The following SNX25 variants were observed in gnomAD, a reference collection of about 807,000 sequenced individuals.
The protein encoded by SNX25 is sorting nexin 25.
In SNX25, 62 loss-of-function variants were observed where a neutral mutation model predicts 113.7. The observed-to-expected ratio is 0.55, with a 90% CI of 0.44 to 0.67. SNX25 has a LOEUF of 0.67. Among genes scored for constraint, SNX25 ranks in the 30% least tolerant of loss-of-function variants. SNX25 has a pLI of 0.00. For synonymous variants in SNX25, 421 were observed against 436.2 expected (o/e 0.97, Z 0.43); for missense variants, 1,014 against 1,161.0 (o/e 0.87, Z 1.84).
At chr4:185,305,909 A>ATG (rs1295634028) in intron 6 of SNX25, among the ~76,000 whole-genome samples, 1 of 152,176 alleles carries the variant, frequency 6.6e-6, no homozygotes, top group Non-Finnish European at 1.5e-5. Context: ...ACCTAACATC[A>ATG]TGTGTGTGTT....
chr4:185,283,201 A>G (rs1560967253), intron 5 of SNX25, among the ~76,000 whole-genome samples: 1 of 152,226 alleles, frequency 6.6e-6, no homozygotes, highest in African/African-American at 2.4e-5. Flanking sequence ...CCATGTGACT[A>G]TAAGTAGCTA....
At chr4:185,321,751 C>CT (rs2095121896) in intron 8 of SNX25, among the ~76,000 whole-genome samples, 1 of 152,098 alleles carries the variant, frequency 6.6e-6, no homozygotes, top group Non-Finnish European at 1.5e-5. Context: ...TCTGTAGATT[C>CT]AACCAACCAT....
chr4:185,335,303 G>A (rs990442173), intron 10 of SNX25, among the ~76,000 whole-genome samples: 57 of 145,108 alleles, frequency 3.9e-4, no homozygotes, highest in African/African-American at 1.4e-3. Context: ...CTGGGCAATA[G>A]AGTGAAAAAG....
chr4:185,293,876 T>C (rs1752509430), intron 6 of SNX25, among the ~76,000 whole-genome samples: 1 of 152,166 alleles, frequency 6.6e-6, no homozygotes, highest in Non-Finnish European at 1.5e-5. Flanking sequence ...CGATCGTTTA[T>C]AAACAGAAAA....
intron 2 of SNX25, among the ~76,000 whole-genome samples, chr4:185,253,471 TTC>T (rs1745961344): frequency 1.3e-5 from 2 of 151,748 alleles, no homozygotes; most frequent in African/African-American, 4.8e-5. Flanking sequence ...TTTTCTTTTC[TTC>T]TTTTTTTTTT....
intron 1 of SNX25, among the ~76,000 whole-genome samples, chr4:185,220,763 A>C (rs1158839995): frequency 6.6e-6 from 1 of 152,176 alleles, no homozygotes; most frequent in Admixed American, 6.6e-5. Flanking sequence ...TACAGGCGTG[A>C]GCCACTGCGC....
chr4:185,362,375 A>G (rs532623315), intron 17 of SNX25: 4 of 974,404 alleles, frequency 4.1e-6, no homozygotes, highest in Non-Finnish European at 4.9e-6. Context: ...TTAGCAAAAT[A>G]TTAACATTTT....
At chr4:185,376,443 C>CTTTTTT in the SNX25 span, among the ~76,000 whole-genome samples, 24 of 105,822 alleles carry the variant, frequency 2.3e-4, no homozygotes, top group Non-Finnish European at 2.9e-4. Context: ...TGCCCAGCTA[C>CTTTTTT]TTTTTTTTTT....
intron 1 of SNX25, among the ~76,000 whole-genome samples, chr4:185,237,484 C>A (rs1167172906): frequency 6.6e-6 from 1 of 152,092 alleles, no homozygotes; most frequent in African/African-American, 2.4e-5. Context: ...CCCCTCCGTG[C>A]TTTTATTTCT....
upstream of SNX25, among the ~76,000 whole-genome samples, chr4:185,205,229 G>T (rs1196044232): frequency 3.3e-5 from 5 of 152,232 alleles, no homozygotes; most frequent in South Asian, 2.1e-4. Flanking sequence ...GCCGAGGCGG[G>T]TGGGGCCCCC....
At chr4:185,262,505 C>T (rs555341254) in intron 3 of SNX25, among the ~76,000 whole-genome samples, 1 of 152,110 alleles carries the variant, frequency 6.6e-6, no homozygotes, top group East Asian at 1.9e-4. Flanking sequence ...TCTTTTTCAT[C>T]TTTGTAATTT....
intron 13 of SNX25, among the ~76,000 whole-genome samples, chr4:185,350,197 C>G (rs2095308324): frequency 6.6e-6 from 1 of 152,152 alleles, no homozygotes; most frequent in South Asian, 2.1e-4. Context: ...GGTGATTTTT[C>G]TAGGGAGGGT....
downstream of SNX25, chr4:185,372,854 A>C: frequency 6.3e-7 from 1 of 1,595,448 alleles, no homozygotes; most frequent in African/African-American, 1.3e-5. Context: ...AAAGACATTC[A>C]CCTTTTGGAA....
chr4:185,315,302 T>C (rs2095064260), intron 7 of SNX25, among the ~76,000 whole-genome samples: 2 of 150,498 alleles, frequency 1.3e-5, no homozygotes, highest in Admixed American at 6.6e-5. Flanking sequence ...ATTTTTTTTT[T>C]TTTTTTTTTG....
At chr4:185,316,197 G>A (rs2095072954) in intron 7 of SNX25, among the ~76,000 whole-genome samples, 1 of 152,194 alleles carries the variant, frequency 6.6e-6, no homozygotes, top group African/African-American at 2.4e-5. Context: ...GCACTTATCA[G>A]TGCCTTCTCT....
rs765754328 is a variant in SNX25 at position 185,320,853 on chromosome 4, A to C, written c.1465A>C (p.Asn489His). The change falls in exon 8 of 19, where the codon AAT becomes CAT. Residue 489 changes from asparagine to histidine, a missense_variant. Physicochemically the swap from Asn to His is moderately conservative, Grantham distance 68. Transcript: ENST00000652585. ...SFWESVEHLK[N>H]ANKNEIPQLV... Reference sequence around the variant, plus strand: ...TTGGGAATCTGTGGAACATTTAAAGAATGCTAACAAGGTAGTATATGTAGG... The same window carrying C: ...TTGGGAATCTGTGGAACATTTAAAGCATGCTAACAAGGTAGTATATGTAGG... 1 of 1,601,660 alleles carries C rather than the reference A, an allele frequency of 6.2e-7. No individual in the cohort carries two copies. The highest frequency in any genetic ancestry group is 1.3e-5 in the African/African-American group (1 of 74,440).
chr4:185,375,490 A>ATATATATATATATG, the SNX25 span: 9 of 49,098 alleles, frequency 1.8e-4, no homozygotes, highest in African/African-American at 1.2e-3. Flanking sequence ...AAAAAAAAAT[A>ATATATATATATATG]TATATATATA....
chr4:185,351,176 C>T (rs774426341), intron 13 of SNX25, among the ~76,000 whole-genome samples: 7 of 152,186 alleles, frequency 4.6e-5, no homozygotes, highest in Non-Finnish European at 7.3e-5. Flanking sequence ...CAGTGCAAAG[C>T]GGAGTGAGTT....
At chr4:185,272,958 G>C (rs927655684) in intron 5 of SNX25, among the ~76,000 whole-genome samples, 3 of 152,172 alleles carry the variant, frequency 2.0e-5, no homozygotes, top group African/African-American at 7.2e-5. Flanking sequence ...TCTGTTTACT[G>C]TAGAATTTTT....
Sources: gnomAD v4.1 joint callset for allele counts (sites outside exome capture counted in the v4.1 genomes callset) on GRCh38, gnomAD v4.1.1 for gene constraint, MANE v1.5 for transcripts, NCBI Gene and HGNC (gene_info 2026-07-23, HGNC 2026-07-21) for gene names.